CCDC7: variants seen among roughly 807,000 people sequenced by gnomAD.
CCDC7 encodes coiled-coil domain-containing protein 7.
CCDC7 carries 183 observed loss-of-function variants against 196.9 expected under a neutral mutation model. The observed-to-expected ratio is 0.93, with a 90% CI of 0.82 to 1.05. The LOEUF (loss-of-function observed/expected upper bound fraction) is 1.05, where lower values mean the gene tolerates loss of function less well. CCDC7 is among the 50% of genes least tolerant of loss of function. The probability of loss-of-function intolerance (pLI) is 0.00; values close to 1 mark genes in which losing one functional copy is unlikely to be tolerated. For synonymous variants in CCDC7, 525 were observed against 484.6 expected, an observed-to-expected ratio of 1.08 and a Z score of -1.10; for missense variants, 1,540 against 1,482.2, an observed-to-expected ratio of 1.04 and a Z score of -0.64.
At chr10:32,811,845 A>G (rs578193906) in intron 30 of CCDC7, among the ~76,000 whole-genome samples, 2 of 152,122 alleles carry the variant, frequency 1.3e-5, no homozygotes, top group East Asian at 3.8e-4. Context: ...ACCAAATTCA[A>G]CAACATATCA....
At chr10:32,661,706 A>G (rs906983274) in intron 20 of CCDC7, among the ~76,000 whole-genome samples, 6 of 152,142 alleles carry the variant, frequency 3.9e-5, no homozygotes, top group African/African-American at 1.4e-4. Context: ...AGGCCTCAAA[A>G]TTCTGCCCAG....
chr10:32,509,084 C>T lies in CCDC7; in HGVS notation c.873-8861C>T, dbSNP rs975512978. Among the ~76,000 whole-genome samples, 8 of 152,170 alleles carry T rather than the reference C, an allele frequency of 5.3e-5. 1 individual carries two copies. Among genetic ancestry groups the T allele is most frequent in the Admixed American group, 4.6e-4 (7 of 15,284 alleles). ...TGAGTAGCCTCAGATGATCCACCTG[C>T]CTCAACCTCCCAAAGTGTTGGGATT... is the stretch of plus-strand genomic sequence containing the variant. On this transcript the variant is annotated intron_variant, in intron 9 of 41. Coordinates refer to ENST00000639629, the Ensembl canonical transcript of CCDC7.
intron 24 of CCDC7, among the ~76,000 whole-genome samples, chr10:32,702,900 T>C (rs1015144397): frequency 1.3e-5 from 2 of 152,230 alleles, no homozygotes; most frequent in Non-Finnish European, 2.9e-5. Context: ...ACTTTGAGCC[T>C]ATGTGTGTCT....
intron 5 of CCDC7, among the ~76,000 whole-genome samples, chr10:32,467,019 TG>T (rs2036934974): frequency 6.6e-6 from 1 of 152,228 alleles, no homozygotes; most frequent in African/African-American, 2.4e-5. Flanking sequence ...ATTTCTCTAA[TG>T]ATCAGTGATG....
chr10:32,746,696 G>A (rs2074801553), intron 28 of CCDC7, among the ~76,000 whole-genome samples: 1 of 152,186 alleles, frequency 6.6e-6, no homozygotes, highest in Non-Finnish European at 1.5e-5. Flanking sequence ...CTGCCATGGT[G>A]CCTTTGCCAG....
At chr10:32,853,103 A>G (rs542038208) in intron 40 of CCDC7, among the ~76,000 whole-genome samples, 74 of 152,226 alleles carry the variant, frequency 4.9e-4, no homozygotes, top group African/African-American at 1.6e-3. Context: ...GTTACTTCAT[A>G]TCACCTACAA....
Position 32,570,947 on chromosome 10 carries a change from T to C in CCDC7, c.1420-912T>C, listed in dbSNP as rs140187139. On this transcript the variant is annotated intron_variant, in intron 15 of 41. Transcript: ENST00000639629. ...TCAACATTTATACTATAGGAAAATA[T>C]GTATTATATTCACAAGAGGTAATTT... Among the ~76,000 whole-genome samples the C allele has an allele frequency of 6.2e-3, 941 of 151,784 alleles. 5 individuals carry two copies. The highest frequency in any genetic ancestry group is 9.7e-3 in the Non-Finnish European group (658 of 67,966).
chr10:32,826,243 C>G (rs1210271576), intron 32 of CCDC7, among the ~76,000 whole-genome samples: 1 of 152,168 alleles, frequency 6.6e-6, no homozygotes, highest in Admixed American at 6.5e-5. Context: ...CACTATACTC[C>G]AAGAAAACTG....
chr10:32,498,428 T>C (rs900133734), intron 9 of CCDC7, among the ~76,000 whole-genome samples: 2 of 152,206 alleles, frequency 1.3e-5, no homozygotes, highest in Non-Finnish European at 2.9e-5. Context: ...GTCATTATGA[T>C]GCTAGCTGGT....
intron 13 of CCDC7, among the ~76,000 whole-genome samples, chr10:32,563,943 CA>C (rs888135653): frequency 3.3e-5 from 5 of 152,082 alleles, no homozygotes; most frequent in African/African-American, 1.2e-4. Context: ...AGAACTCCAA[CA>C]AATTTACAAG....
chr10:32,602,040 T>G (rs1273569088), intron 18 of CCDC7, among the ~76,000 whole-genome samples: 4 of 152,174 alleles, frequency 2.6e-5, no homozygotes, highest in Non-Finnish European at 4.4e-5. Context: ...TTTGTTTTTT[T>G]GCTCTTCACA....
At chr10:32,765,966 A>G (rs2078229188) in intron 28 of CCDC7, among the ~76,000 whole-genome samples, 1 of 152,074 alleles carries the variant, frequency 6.6e-6, no homozygotes, top group Non-Finnish European at 1.5e-5. Flanking sequence ...AGGGTATATC[A>G]GTTCTCCCAC....
At chr10:32,863,826 T>A (rs2094102123) in intron 41 of CCDC7, among the ~76,000 whole-genome samples, 1 of 151,786 alleles carries the variant, frequency 6.6e-6, no homozygotes, top group African/African-American at 2.4e-5. Flanking sequence ...AAAAGATCTT[T>A]GATGCTGACT....
intron 18 of CCDC7, among the ~76,000 whole-genome samples, chr10:32,626,867 T>C (rs1484079462): frequency 1.3e-5 from 2 of 152,026 alleles, no homozygotes; most frequent in African/African-American, 4.8e-5. Context: ...CTATATAGGC[T>C]GGGTTCATAT....
chr10:32,619,682 T>C (rs1268909470), intron 18 of CCDC7, among the ~76,000 whole-genome samples: 1 of 152,130 alleles, frequency 6.6e-6, no homozygotes, highest in Non-Finnish European at 1.5e-5. Flanking sequence ...AAATTGATCC[T>C]GAGCTCAAGC....
intron 9 of CCDC7, among the ~76,000 whole-genome samples, chr10:32,515,638 G>A (rs375173786): frequency 3.9e-4 from 60 of 151,998 alleles, no homozygotes; most frequent in African/African-American, 1.4e-3. Context: ...CTGCCTCCCG[G>A]GTTCACGCCA....
intron 29 of CCDC7, among the ~76,000 whole-genome samples, chr10:32,795,652 G>T (rs1327903965): frequency 6.6e-6 from 1 of 152,080 alleles, no homozygotes; most frequent in Non-Finnish European, 1.5e-5. Flanking sequence ...TGCATTTAAG[G>T]ATTAATTATT....
chr10:32,674,173 G>A (rs568723657), intron 21 of CCDC7, among the ~76,000 whole-genome samples: 2 of 146,886 alleles, frequency 1.4e-5, no homozygotes, highest in South Asian at 4.3e-4. Context: ...CTTTTTCCTT[G>A]AAGTGTAAAG....
chr10:32,515,725 A>G (rs2046919245), intron 9 of CCDC7, among the ~76,000 whole-genome samples: 1 of 148,644 alleles, frequency 6.7e-6, no homozygotes, highest in Non-Finnish European at 1.5e-5. Flanking sequence ...TTTTTTTTGT[A>G]GAGGCGGGGT....
Sources: allele counts gnomAD v4.1 joint callset (sites outside exome capture counted in the v4.1 genomes callset), GRCh38; gene constraint gnomAD v4.1.1; transcripts MANE v1.5; gene names NCBI Gene and HGNC (gene_info 2026-07-23, HGNC 2026-07-21).